The following CHST9 variants were observed in gnomAD, a reference collection of about 807,000 sequenced individuals.
The protein encoded by CHST9 is carbohydrate sulfotransferase 9, also known as GalNAc-4-sulfotransferase 2.
A neutral mutation model predicts 44.4 loss-of-function variants in CHST9; 41 were observed. That is an observed-to-expected ratio of 0.92 (90% CI 0.72 to 1.20). The LOEUF (loss-of-function observed/expected upper bound fraction) is 1.20. Ranked by LOEUF, CHST9 falls within the 50% of genes most tolerant of loss-of-function variation. The pLI is 0.00. For missense variants in CHST9, 504 were observed against 516.5 expected (o/e 0.98, Z 0.23); for synonymous variants, 171 against 178.4 (o/e 0.96, Z 0.33).
chr18:26,966,532 G>T (rs1017584811), intron 4 of CHST9, among the ~76,000 whole-genome samples: 5 of 152,144 alleles, frequency 3.3e-5, no homozygotes, highest in Non-Finnish European at 5.9e-5. Flanking sequence ...GGATTTAAAC[G>T]TCTTTGATGA....
At chr18:27,043,575 T>C (rs905619471) in intron 3 of CHST9, among the ~76,000 whole-genome samples, 8 of 152,108 alleles carry the variant, frequency 5.3e-5, no homozygotes, top group Middle Eastern at 3.4e-3. Context: ...TGGATTCCAT[T>C]TTCTTGGCTT....
intron 4 of CHST9, among the ~76,000 whole-genome samples, chr18:27,009,439 T>C (rs1412850817): frequency 6.6e-6 from 1 of 152,254 alleles, no homozygotes. Flanking sequence ...TCGTTGTTCA[T>C]GATCCTTTAC....
chr18:26,954,087 A>G (rs1307745147), intron 4 of CHST9, among the ~76,000 whole-genome samples: 2 of 152,076 alleles, frequency 1.3e-5, no homozygotes, highest in Non-Finnish European at 2.9e-5. Flanking sequence ...TCACCATCAA[A>G]TTGTATTTTA....
chr18:27,148,261 TTTA>T (rs1316039663), intron 1 of CHST9, among the ~76,000 whole-genome samples: 76 of 151,534 alleles, frequency 5.0e-4, no homozygotes, highest in African/African-American at 1.8e-3. Flanking sequence ...TTTTTTTAAT[TTTA>T]TTATTATTAT....
At chr18:27,038,812 C>T (rs2057416271) in intron 3 of CHST9, among the ~76,000 whole-genome samples, 1 of 152,064 alleles carries the variant, frequency 6.6e-6, no homozygotes, top group Admixed American at 6.6e-5. Flanking sequence ...CATGTTCAGC[C>T]TATCTATCAT....
At chr18:26,999,546 G>A (rs904076800) in intron 4 of CHST9, among the ~76,000 whole-genome samples, 2 of 151,842 alleles carry the variant, frequency 1.3e-5, no homozygotes, top group Admixed American at 6.6e-5. Context: ...ATTTCCAAAA[G>A]TAATTACATG....
Position 26,914,261 on chromosome 18 carries a change from A to G in CHST9, c.*1998T>C, listed in dbSNP as rs1178903518. Reference sequence around the variant, plus strand: ...TTTCCATTTTTTTCCTTCTAAAGCTATTGAAAGTTCTTTGTCTGTTCCTTA... The same window carrying G: ...TTTCCATTTTTTTCCTTCTAAAGCTGTTGAAAGTTCTTTGTCTGTTCCTTA... On this transcript the variant is annotated 3_prime_UTR_variant, in exon 6 of 6. Coordinates refer to ENST00000618847, the MANE Select transcript of CHST9 (RefSeq NM_031422.6). The G allele has an allele frequency of 6.6e-6, 1 of 152,136 alleles. No individual in the cohort carries two copies. The highest frequency in any genetic ancestry group is 1.5e-5 in the Non-Finnish European group (1 of 68,026). The allele number at this position is 152,136 out of a possible 1,614,324, so 9.4% of individuals were successfully genotyped here.
At chr18:27,040,728 G>A (rs1464890470) in intron 3 of CHST9, among the ~76,000 whole-genome samples, 1 of 152,132 alleles carries the variant, frequency 6.6e-6, no homozygotes, top group Non-Finnish European at 1.5e-5. Context: ...CACTTTAGAA[G>A]GTTTTAAGTT....
At position 26,994,282 on chromosome 18, in the gene CHST9, G is replaced by A. The variant is rs184639516; in HGVS notation, c.202+29834C>T. ...ATTTAAAAGATAATGCTAGAAATGT[G>A]TTTTTCATTTTCTTTTCTCTTATAA... On this transcript the variant is annotated intron_variant, in intron 4 of 5. Coordinates refer to ENST00000618847, the MANE Select transcript of CHST9 (RefSeq NM_031422.6). Among the ~76,000 whole-genome samples, 29 of 152,222 alleles carry A rather than the reference G, an allele frequency of 1.9e-4. No homozygotes were observed. In the South Asian group the frequency reaches 2.5e-3, roughly 13 times the overall value.
intron 4 of CHST9, among the ~76,000 whole-genome samples, chr18:27,020,950 C>T (rs1368396741): frequency 6.6e-6 from 1 of 152,146 alleles, no homozygotes; most frequent in Non-Finnish European, 1.5e-5. Context: ...TTGCCTGTTG[C>T]AACCAGCAAA....
At chr18:26,919,390 G>A (rs901332475) in intron 5 of CHST9, among the ~76,000 whole-genome samples, 1 of 152,188 alleles carries the variant, frequency 6.6e-6, no homozygotes, top group African/African-American at 2.4e-5. Flanking sequence ...AGTACATAAA[G>A]TTGTCACTGA....
chr18:26,955,145 C>A (rs2056304032), intron 4 of CHST9, among the ~76,000 whole-genome samples: 1 of 151,988 alleles, frequency 6.6e-6, no homozygotes, highest in African/African-American at 2.4e-5. Context: ...TTTGTGATAG[C>A]AGCCCTTTTC....
chr18:26,945,013 TAGCCTG>T (rs1326123510), intron 4 of CHST9, among the ~76,000 whole-genome samples: 1 of 151,996 alleles, frequency 6.6e-6, no homozygotes, highest in African/African-American at 2.4e-5. Context: ...ATTGTGAAAA[TAGCCTG>T]AAAGTGATCA....
intron 4 of CHST9, among the ~76,000 whole-genome samples, chr18:26,976,772 C>T (rs1005759296): frequency 6.6e-6 from 1 of 152,078 alleles, no homozygotes; most frequent in Non-Finnish European, 1.5e-5. Context: ...GGAAAGGAAG[C>T]TGGGGACAGG....
chr18:27,050,689 T>C lies in CHST9; in HGVS notation c.122-2186A>G, dbSNP rs144057572. ...TATTTCAATGATTCCAACAGATAAA[T>C]AGCATGAATAATCCATTTAAAGGCC... On this transcript the variant is annotated intron_variant, in intron 2 of 5. Coordinates refer to ENST00000618847, the MANE Select transcript of CHST9 (RefSeq NM_031422.6). Among the ~76,000 whole-genome samples, 146 of 152,284 alleles carry C rather than the reference T, an allele frequency of 9.6e-4. 1 individual carries two copies. Among genetic ancestry groups the C allele is most frequent in the African/African-American group, 2.9e-3 (120 of 41,576 alleles).
chr18:26,951,889 G>T (rs929790250), intron 4 of CHST9, among the ~76,000 whole-genome samples: 1 of 152,134 alleles, frequency 6.6e-6, no homozygotes, highest in Non-Finnish European at 1.5e-5. Flanking sequence ...AGGTTGCTGG[G>T]AGCCAGAGGA....
intron 1 of CHST9, among the ~76,000 whole-genome samples, chr18:27,159,048 A>G (rs1598766833): frequency 6.6e-6 from 1 of 152,150 alleles, no homozygotes; most frequent in East Asian, 1.9e-4. Context: ...ATTTTCTCCC[A>G]TTTTGTAGGT....
rs749432795 is a variant in CHST9 at position 26,998,697 on chromosome 18, C to A, written c.202+25419G>T. Among the ~76,000 whole-genome samples, 122 of 137,388 alleles carry A rather than the reference C, an allele frequency of 8.9e-4. 1 individual carries two copies. Among genetic ancestry groups the A allele is most frequent in the Non-Finnish European group, 1.6e-3 (107 of 65,908 alleles). The allele number at this position is 137,388 out of a possible 152,430, so 90.1% of individuals were successfully genotyped here. A position where few individuals can be genotyped will look rare whatever the true frequency, so the allele number is the denominator to read the frequency against. ...GCTGAAATTGCACCAGCCTGGGTGA[C>A]ACAGTGAGACTCTGTCTCAAAACAA... On this transcript the variant is annotated intron_variant, in intron 4 of 5. Coordinates refer to ENST00000618847, the MANE Select transcript of CHST9 (RefSeq NM_031422.6).
Position 26,916,785 on chromosome 18 carries a change from C to T in CHST9, c.806G>A (p.Arg269His), listed in dbSNP as rs779405504. ...CACAGCTTTGGTGTAAGTATTTAAGCGGGTATATATCCCTTTTAGGTCAAA... is the reference window on the plus strand; with the variant it reads ...CACAGCTTTGGTGTAAGTATTTAAGTGGGTATATATCCCTTTTAGGTCAAA... ...DSFDLKGIYTRLNTYTKAVFV... is the reference protein window; with the variant it reads ...DSFDLKGIYTHLNTYTKAVFV... The change falls in exon 6 of 6, where the codon CGC becomes CAC. Residue 269 changes from arginine (R) to histidine (H), a missense_variant. Arg to His is a conservative substitution (Grantham distance 29). Transcript: ENST00000618847. The T allele has an allele frequency of 5.4e-5, 87 of 1,613,668 alleles. No homozygotes were observed. Among genetic ancestry groups the T allele is most frequent in the Non-Finnish European group, 4.4e-5 (52 of 1,179,846 alleles).
Sources: gnomAD v4.1 joint callset for allele counts (sites outside exome capture counted in the v4.1 genomes callset) on GRCh38, gnomAD v4.1.1 for gene constraint, MANE v1.5 for transcripts, NCBI Gene and HGNC (gene_info 2026-07-23, HGNC 2026-07-21) for gene names.